The following NXPE2 variants were observed in gnomAD, a reference collection of about 807,000 sequenced individuals.
NXPE2 encodes neurexophilin and PC-esterase domain family member 2.
Under a neutral mutation model 34.4 loss-of-function variants are expected in NXPE2, and 34 were observed. That is an observed-to-expected ratio of 0.99 (90% CI 0.75 to 1.31). The LOEUF is 1.31. Ranked by LOEUF, NXPE2 falls within the 40% of genes most tolerant of loss-of-function variation. The pLI is 0.00. For missense variants in NXPE2, 649 were observed against 672.5 expected (o/e 0.97, Z 0.39); for synonymous variants, 235 against 231.3 (o/e 1.02, Z -0.15).
the NXPE2 span, among the ~76,000 whole-genome samples, chr11:114,615,265 T>A: frequency 6.6e-6 from 1 of 150,960 alleles, no homozygotes; most frequent in Admixed American, 6.6e-5. Flanking sequence ...TATAAGTATT[T>A]CCTTGTGGGT....
At chr11:114,790,013 T>C in the NXPE2 span, among the ~76,000 whole-genome samples, 1 of 152,206 alleles carries the variant, frequency 6.6e-6, no homozygotes, top group Non-Finnish European at 1.5e-5. Context: ...AGGACTTCTC[T>C]GAGTCAGATA....
the NXPE2 span, among the ~76,000 whole-genome samples, chr11:114,619,229 C>T: frequency 1.7e-4 from 26 of 151,504 alleles, no homozygotes; most frequent in Admixed American, 6.6e-4. Flanking sequence ...CACTCTTACC[C>T]GGTAGAATAT....
the NXPE2 span, among the ~76,000 whole-genome samples, chr11:114,577,014 T>G: frequency 4.8e-5 from 1 of 20,818 alleles, no homozygotes. Context: ...TAAAGTTATA[T>G]ATATATATAT....
the NXPE2 span, among the ~76,000 whole-genome samples, chr11:114,782,086 AC>A: frequency 6.6e-6 from 1 of 152,218 alleles, no homozygotes; most frequent in Non-Finnish European, 1.5e-5. Context: ...TACTTCTAAT[AC>A]CTAATACAAT....
chr11:114,644,117 C>G, the NXPE2 span, among the ~76,000 whole-genome samples: 1 of 152,128 alleles, frequency 6.6e-6, no homozygotes, highest in African/African-American at 2.4e-5. Context: ...TATCCTGAGA[C>G]TTTGCTGAAG....
At chr11:114,527,831 C>G in the NXPE2 span, 41 of 1,600,274 alleles carry the variant, frequency 2.6e-5, no homozygotes, top group Non-Finnish European at 3.0e-5. Flanking sequence ...CAGGACAGAG[C>G]CAACTTACTG....
At chr11:114,779,355 G>C in the NXPE2 span, among the ~76,000 whole-genome samples, 58 of 148,226 alleles carry the variant, frequency 3.9e-4, no homozygotes, top group East Asian at 0.011. Flanking sequence ...GCCTGGGGCG[G>C]TGTGGGGGGC....
At chr11:114,594,653 G>A in the NXPE2 span, 21 of 1,550,482 alleles carry the variant, frequency 1.4e-5, no homozygotes, top group Non-Finnish European at 1.9e-5. Flanking sequence ...CATAAATAAA[G>A]CATTTCCTAC....
the NXPE2 span, among the ~76,000 whole-genome samples, chr11:114,487,393 G>A: frequency 2.0e-5 from 3 of 152,116 alleles, no homozygotes; most frequent in South Asian, 6.2e-4. Context: ...TAGTTATTTG[G>A]TGGAGTCTTT....
At chr11:114,632,206 T>C in the NXPE2 span, among the ~76,000 whole-genome samples, 744 of 141,358 alleles carry the variant, frequency 5.3e-3, 8 homozygotes, top group Non-Finnish European at 7.7e-3. Flanking sequence ...ATATACATAT[T>C]ATATATGTAT....
the NXPE2 span, among the ~76,000 whole-genome samples, chr11:114,498,045 AC>A: frequency 6.6e-6 from 1 of 151,998 alleles, no homozygotes; most frequent in Non-Finnish European, 1.5e-5. Flanking sequence ...TAAAGATGGA[AC>A]TTTTTTCCTG....
At chr11:114,529,847 T>C in the NXPE2 span, 1 of 255,352 alleles carries the variant, frequency 3.9e-6, no homozygotes, top group African/African-American at 2.2e-5. Context: ...CGCAAAGATA[T>C]TTAAGGGGCA....
At chr11:114,510,380 C>G in the NXPE2 span, among the ~76,000 whole-genome samples, 1 of 152,122 alleles carries the variant, frequency 6.6e-6, no homozygotes, top group African/African-American at 2.4e-5. Flanking sequence ...ACTACAGGTG[C>G]ACACCACCAT....
chr11:114,725,282 A>G, the NXPE2 span, among the ~76,000 whole-genome samples: 1 of 152,110 alleles, frequency 6.6e-6, no homozygotes, highest in East Asian at 1.9e-4. Flanking sequence ...AAGTTTATTT[A>G]TATAGTTGCT....
the NXPE2 span, among the ~76,000 whole-genome samples, chr11:114,623,629 G>T: frequency 6.6e-6 from 1 of 152,074 alleles, no homozygotes; most frequent in Non-Finnish European, 1.5e-5. Flanking sequence ...TTACCCACTG[G>T]ATAATAAGTG....
At chr11:114,544,915 A>G in the NXPE2 span, among the ~76,000 whole-genome samples, 1 of 152,200 alleles carries the variant, frequency 6.6e-6, no homozygotes, top group Non-Finnish European at 1.5e-5. Context: ...ATCTGAATGG[A>G]CACCTCACCA....
chr11:114,777,612 A>G, the NXPE2 span, among the ~76,000 whole-genome samples: 2 of 152,154 alleles, frequency 1.3e-5, no homozygotes, highest in Admixed American at 6.5e-5. Context: ...AGTCATGCCT[A>G]GTATTTTCTG....
chr11:114,591,158 A>T, the NXPE2 span, among the ~76,000 whole-genome samples: 1 of 152,200 alleles, frequency 6.6e-6, no homozygotes, highest in Non-Finnish European at 1.5e-5. Flanking sequence ...ACTCTGAATG[A>T]TGTTATTGAA....
chr11:114,491,743 A>T, the NXPE2 span, among the ~76,000 whole-genome samples: 1 of 152,194 alleles, frequency 6.6e-6, no homozygotes, highest in African/African-American at 2.4e-5. Flanking sequence ...ACAATAGCAA[A>T]GACTTGGAAC....
Sources: gnomAD v4.1 joint callset for allele counts (sites outside exome capture counted in the v4.1 genomes callset) on GRCh38, gnomAD v4.1.1 for gene constraint, MANE v1.5 for transcripts, NCBI Gene and HGNC (gene_info 2026-07-23, HGNC 2026-07-21) for gene names.